Variants in C4orf33 observed in about 807,000 individuals in gnomAD.
The protein encoded by C4orf33 is chromosome 4 open reading frame 33.
A neutral mutation model predicts 24.3 loss-of-function variants in C4orf33; 20 were observed. That is an observed-to-expected ratio of 0.82 (90% confidence interval 0.58 to 1.19). C4orf33 has a LOEUF of 1.19. Among genes scored for constraint, C4orf33 ranks in the 50% most tolerant of loss-of-function variants. The pLI, the probability that C4orf33 is intolerant of heterozygous loss-of-function variation, is 0.00. For missense variants in C4orf33, 207 were observed against 225.9 expected (o/e 0.92, Z 0.54); for synonymous variants, 67 against 76.4 (o/e 0.88, Z 0.64).
intron 1 of C4orf33, among the ~76,000 whole-genome samples, chr4:129,097,646 C>G (rs1169662838): frequency 6.6e-6 from 1 of 152,204 alleles, no homozygotes; most frequent in African/African-American, 2.4e-5. Context: ...CAAATATCCT[C>G]AACGCTTATG....
At chr4:129,106,550 T>G in intron 2 of C4orf33, 37 bp from the exon 3 acceptor site, 6 of 1,051,308 alleles carry the variant, frequency 5.7e-6, no homozygotes, top group Non-Finnish European at 2.8e-6. Flanking sequence ...AAAGCAATAT[T>G]AAATATCTCA....
At chr4:129,104,404 C>T (rs1186033349) in intron 2 of C4orf33, among the ~76,000 whole-genome samples, 1 of 152,154 alleles carries the variant, frequency 6.6e-6, no homozygotes, top group Non-Finnish European at 1.5e-5. Flanking sequence ...AAAATTTAAA[C>T]TCATCCTTCA....
At chr4:129,109,721 G>T (rs1404278016) in intron 5 of C4orf33, 49 bp downstream of exon 5, 4 of 1,490,542 alleles carry the variant, frequency 2.7e-6, no homozygotes, top group East Asian at 2.3e-5. Flanking sequence ...GAGTTTTTTC[G>T]AAATTAATTC....
In C4orf33 at chr4:129,105,834, G is replaced by T. The variant is rs962408893; in HGVS notation, c.182-753G>T. Among the ~76,000 whole-genome samples, 3 of 152,050 alleles carry T rather than the reference G, an allele frequency of 2.0e-5. 1 individual carries two copies. Among genetic ancestry groups the T allele is most frequent in the South Asian group, 4.1e-4 (2 of 4,824 alleles). On this transcript the variant is annotated intron_variant, in intron 2 of 5. Transcript: ENST00000425929. Reference sequence around the variant, plus strand: ...ACAATTTTAAAAATAGCAATATTCAGAAATTTCCAGAAAATTATAAAAAAG... The same window carrying T: ...ACAATTTTAAAAATAGCAATATTCATAAATTTCCAGAAAATTATAAAAAAG...
In C4orf33 at chr4:129,110,073, C is replaced by T. The variant is rs533817444; in HGVS notation, c.494+401C>T. 1.8e-5 allele frequency: 16 copies of T among 878,316 alleles called. No individual in the cohort carries two copies. In the African/African-American group the frequency reaches 2.7e-4, roughly 15 times the overall value. 54.4% of individuals were successfully genotyped at this position (878,316 alleles called of 1,614,324 possible). On this transcript the variant is annotated intron_variant, in intron 5 of 5. Coordinates refer to ENST00000425929, the MANE Select transcript of C4orf33 (RefSeq NM_001099783.2). The stretch of plus-strand genomic sequence containing the variant: ...AAGGAAATCTAATCTTCAGTTATCT[C>T]TCTAGTTCTCCTCTTCTGGTAACCT...
rs1336279699 is a variant in C4orf33 at position 129,116,031 on chromosome 4, T to G, written c.*4240T>G. On this transcript the variant is annotated 3_prime_UTR_variant, in exon 6 of 6. Coordinates refer to ENST00000425929, the MANE Select transcript of C4orf33 (RefSeq NM_001099783.2). ...CTCTATTTTTTACCAACTATCATTT[T>G]TCATGGAAGGAATAGTAAAAAGAGT... The G allele has an allele frequency of 6.6e-6, 1 of 151,588 alleles. No homozygotes were observed. The highest frequency in any genetic ancestry group is 1.9e-4 in the East Asian group (1 of 5,174). The allele number at this position is 151,588 out of a possible 1,614,324, so 9.4% of individuals were successfully genotyped here.
chr4:129,106,225 G>C (rs1580012969), intron 2 of C4orf33, among the ~76,000 whole-genome samples: 1 of 152,162 alleles, frequency 6.6e-6, no homozygotes, highest in Middle Eastern at 3.4e-3. Context: ...GTACTCTAAT[G>C]AATGGCATTA....
intron 1 of C4orf33, among the ~76,000 whole-genome samples, chr4:129,097,995 C>T (rs1753250691): frequency 6.6e-6 from 1 of 152,010 alleles, no homozygotes; most frequent in South Asian, 2.1e-4. Flanking sequence ...TGGTCTTTTC[C>T]TTATTGATTT....
chr4:129,096,847 T>C (rs940835575), intron 1 of C4orf33, among the ~76,000 whole-genome samples: 1 of 152,108 alleles, frequency 6.6e-6, no homozygotes, highest in Non-Finnish European at 1.5e-5. Context: ...GCATATATAA[T>C]ATAAAGGGGA....
At chr4:129,096,407 A>T (rs1462727536) in intron 1 of C4orf33, 198 bp downstream of exon 1, 1 of 152,070 alleles carries the variant, frequency 6.6e-6, no homozygotes, top group African/African-American at 2.4e-5. Context: ...GGCCTCGGGG[A>T]GGTATGGAAA....
At chr4:129,097,676 G>A (rs922125187) in intron 1 of C4orf33, among the ~76,000 whole-genome samples, 5 of 152,176 alleles carry the variant, frequency 3.3e-5, no homozygotes, top group African/African-American at 1.2e-4. Flanking sequence ...ATATGTGCAG[G>A]TATAGTAACT....
chr4:129,115,933 CTACTCATTTTCTGA>C lies in C4orf33; in HGVS notation c.*4145_*4158del, dbSNP rs898314366. 1.3e-4 allele frequency: 19 copies of C among 149,704 alleles called. No homozygotes were observed. The highest frequency in any genetic ancestry group is 1.3e-4 in the Admixed American group (2 of 14,994). The allele number at this position is 149,704 out of a possible 1,614,324, so 9.3% of individuals were successfully genotyped here. A position where few individuals can be genotyped will look rare whatever the true frequency, so the allele number is the denominator to read the frequency against. On this transcript the variant is annotated 3_prime_UTR_variant, in exon 6 of 6. Transcript: ENST00000425929. ...TTTGTTAAATCACCATTCCTGGGCC[CTACTCATTTTCTGA>C]TAATTTCTTATCTTAATTTGCTCTG...
At chr4:129,103,015 G>C in intron 2 of C4orf33, 10 of 240,586 alleles carry the variant, frequency 4.2e-5, no homozygotes, top group East Asian at 8.5e-5. Context: ...TACAAATCCA[G>C]ATTTTTTTTT....
At chr4:129,101,856 A>T (rs1465978083) in intron 1 of C4orf33, among the ~76,000 whole-genome samples, 1 of 152,152 alleles carries the variant, frequency 6.6e-6, no homozygotes, top group African/African-American at 2.4e-5. Flanking sequence ...TTTCAGTTGG[A>T]GAGAGGTAAT....
intron 1 of C4orf33, among the ~76,000 whole-genome samples, chr4:129,097,523 T>C (rs1399259261): frequency 6.6e-6 from 1 of 152,270 alleles, no homozygotes; most frequent in Admixed American, 6.5e-5. Flanking sequence ...TCATTCATTT[T>C]AGCAGTTATA....
chr4:129,108,794 T>G (rs1230421502), intron 3 of C4orf33, among the ~76,000 whole-genome samples: 1 of 152,220 alleles, frequency 6.6e-6, no homozygotes, highest in African/African-American at 2.4e-5. Flanking sequence ...CTTTATGCAT[T>G]TGGTGGCAGT....
intron 1 of C4orf33, among the ~76,000 whole-genome samples, chr4:129,098,371 G>A (rs781763403): frequency 6.6e-6 from 1 of 151,884 alleles, no homozygotes; most frequent in Non-Finnish European, 1.5e-5. Flanking sequence ...CCATCTTTAT[G>A]TCCATGAGTA....
At chr4:129,102,485 T>A in intron 1 of C4orf33, 117 bp from the exon 2 acceptor site, 1 of 699,282 alleles carries the variant, frequency 1.4e-6, no homozygotes, top group Non-Finnish European at 2.3e-6. Flanking sequence ...GACTGTGCTC[T>A]TGCCACTCTG....
upstream of C4orf33, among the ~76,000 whole-genome samples, chr4:129,095,382 C>T (rs1753171335): frequency 6.6e-6 from 1 of 152,062 alleles, no homozygotes; most frequent in Non-Finnish European, 1.5e-5. Flanking sequence ...ATCATAATAC[C>T]TGGAACACAG....
Sources: allele counts gnomAD v4.1 joint callset (sites outside exome capture counted in the v4.1 genomes callset), GRCh38; gene constraint gnomAD v4.1.1; transcripts MANE v1.5; gene names NCBI Gene and HGNC (gene_info 2026-07-23, HGNC 2026-07-21).